Variants in SCARB2 observed in about 807,000 individuals in gnomAD.
SCARB2 encodes scavenger receptor class B member 2.
In SCARB2, 29 loss-of-function variants were observed where a neutral mutation model predicts 58.6. The observed-to-expected ratio is 0.49, with a 90% CI of 0.37 to 0.67. The LOEUF (loss-of-function observed/expected upper bound fraction) is 0.67. Among genes scored for constraint, SCARB2 ranks in the 30% least tolerant of loss-of-function variants. The pLI, the probability that SCARB2 is intolerant of heterozygous loss-of-function variation, is 0.00. For missense variants in SCARB2, 488 were observed against 578.5 expected (o/e 0.84, Z 1.60); for synonymous variants, 195 against 210.1 (o/e 0.93, Z 0.62).
intron 1 of SCARB2, among the ~76,000 whole-genome samples, chr4:76,196,351 T>C (rs112463652): frequency 1.3e-4 from 20 of 152,312 alleles, no homozygotes; most frequent in African/African-American, 4.6e-4. Context: ...AGACTCTGTC[T>C]CAAAATAAAT....
At chr4:76,200,889 T>C (rs1732815990) in intron 1 of SCARB2, among the ~76,000 whole-genome samples, 1 of 152,234 alleles carries the variant, frequency 6.6e-6, no homozygotes, top group East Asian at 1.9e-4. Context: ...CAATACTGTA[T>C]GTAGGCTCCT....
chr4:76,213,611 C>A lies in SCARB2; in HGVS notation c.-68G>T. ...GGATCCAACTGCAAGGAGGGAGGAG[C>A]CGCCGCAGAGGCGTCGAAGACCCGG... On this transcript the variant is annotated 5_prime_UTR_variant, in exon 1 of 12. Transcript: ENST00000264896. 2 of 1,342,382 alleles carry A rather than the reference C, an allele frequency of 1.5e-6. No individual in the cohort carries two copies. The highest frequency in any genetic ancestry group is 2.1e-6 in the Non-Finnish European group (2 of 943,608). The allele number at this position is 1,342,382 out of a possible 1,614,324, so 83.2% of individuals were successfully genotyped here.
At chr4:76,201,855 T>C (rs1280636520) in intron 1 of SCARB2, among the ~76,000 whole-genome samples, 1 of 152,256 alleles carries the variant, frequency 6.6e-6, no homozygotes, top group Non-Finnish European at 1.5e-5. Context: ...ATAGCAAGTA[T>C]AGCATAGGAT....
Position 76,209,188 on chromosome 4 carries a change from G to C in SCARB2, c.117+4239C>G, listed in dbSNP as rs111599168. On this transcript the variant is annotated intron_variant, in intron 1 of 11. Transcript: ENST00000264896. ...TAAGATAAGTCTTCTTTGAATAGAG[G>C]CAACTCAGGAGATGAGGTAGATATG... is the stretch of plus-strand genomic sequence containing the variant. 5.6e-3 allele frequency among the ~76,000 whole-genome samples: 845 copies of C among 152,196 alleles called. 5 individuals carry two copies. The highest frequency in any genetic ancestry group is 9.5e-3 in the Non-Finnish European group (644 of 68,012).
At position 76,222,551 on chromosome 4, in the gene SCARB2, C is replaced by G. The variant is rs117264030; in HGVS notation, c.-358+11752G>C. ...CCTTTTTCCTATCTTCTCCTTAGTC[C>G]TTAACTCTCCGCTGCCTCCACCAGC... On this transcript the variant is annotated intron_variant, in intron 1 of 11. Coordinates refer to the SCARB2 transcript ENST00000638295. Among the ~76,000 whole-genome samples, 177 of 152,260 alleles carry G rather than the reference C, an allele frequency of 1.2e-3. 1 individual carries two copies. In the East Asian group the frequency reaches 0.019, roughly 16 times the overall value.
chr4:76,187,915 C>T (rs543285037), intron 2 of SCARB2, among the ~76,000 whole-genome samples: 48 of 152,166 alleles, frequency 3.2e-4, no homozygotes, highest in Admixed American at 7.9e-4. Flanking sequence ...TCCAGTATTA[C>T]TTGTTATCAA....
chr4:76,170,781 A>C (rs1232904262), intron 7 of SCARB2, among the ~76,000 whole-genome samples: 1 of 151,878 alleles, frequency 6.6e-6, no homozygotes, highest in Non-Finnish European at 1.5e-5. Context: ...CAGCCTCCCA[A>C]AGTGCTGAGA....
At chr4:76,164,773 G>A (rs1392099281) in intron 10 of SCARB2, 1 of 148,840 alleles carries the variant, frequency 6.7e-6, no homozygotes, top group South Asian at 2.1e-4. Context: ...TGTAGAGGGT[G>A]AGAGTGAGAC....
chr4:76,168,590 T>A (rs1732063888), intron 8 of SCARB2, 114 bp from the exon 9 acceptor site: 1 of 835,810 alleles, frequency 1.2e-6, no homozygotes, highest in South Asian at 1.4e-5. Flanking sequence ...CATTACCATG[T>A]GTGACAGGCA....
In SCARB2 at chr4:76,179,634, C is replaced by T. The variant is rs748957598; in HGVS notation, c.495G>A (p.Gln165=). 6 of 1,614,086 alleles carry T rather than the reference C, an allele frequency of 3.7e-6. No individual in the cohort carries two copies. In the South Asian group the frequency reaches 6.6e-5, roughly 18 times the overall value. Residue 165 remains glutamine (Q), a synonymous_variant, in exon 4 of 12, where the codon CAG becomes CAA. Transcript: ENST00000264896. The part of the protein sequence containing the change: ...IIEAMLKAYQ[Q]KLFVTHTVDE... ...CAACTGTGTGAGTCACAAAGAGCTT[C>T]TGCTGATAGGCTTTCAACATGGCCT...
Position 76,161,603 on chromosome 4 carries a change from T to A in SCARB2, c.*110A>T. On this transcript the variant is annotated 3_prime_UTR_variant, in exon 12 of 12. Coordinates refer to ENST00000264896, the MANE Select transcript of SCARB2 (RefSeq NM_005506.4). ...CCTATCACTTGCCAGCGCCGTGTCT[T>A]TTTCCTTCTTTCAACAGGCAACAAG... 8.3e-7 allele frequency: 1 copy of A among 1,201,684 alleles called. No individual in the cohort carries two copies. Among genetic ancestry groups the A allele is most frequent in the Middle Eastern group, 1.9e-4 (1 of 5,284 alleles). The allele number at this position is 1,201,684 out of a possible 1,614,324, so 74.4% of individuals were successfully genotyped here.
intron 1 of SCARB2, among the ~76,000 whole-genome samples, chr4:76,228,500 G>T (rs1268891842): frequency 6.6e-6 from 1 of 151,140 alleles, no homozygotes; most frequent in African/African-American, 2.4e-5. Context: ...AAGAAAGAAA[G>T]AAAAAAAATT....
intron 9 of SCARB2, chr4:76,166,917 C>T (rs1732021069): frequency 6.5e-6 from 1 of 153,250 alleles, no homozygotes; most frequent in African/African-American, 2.4e-5. Context: ...AAAATGCATT[C>T]TTGTAAACCA....
In SCARB2 at chr4:76,175,921, T is replaced by C. The variant is rs1474594339; in HGVS notation, c.705-11A>G. The C allele has an allele frequency of 6.2e-7, 1 of 1,613,390 alleles. No homozygotes were observed. The highest frequency in any genetic ancestry group is 1.1e-5 in the South Asian group (1 of 91,074). On this transcript the variant is annotated splice_polypyrimidine_tract_variant and intron_variant, in intron 5 of 11. Coordinates refer to ENST00000264896, the MANE Select transcript of SCARB2 (RefSeq NM_005506.4). ...CACCAGTCAAGTGACCTATAATTGATAAGCACAAGAAAGAGTAAAGATGAT... is the reference window on the plus strand; with the variant it reads ...CACCAGTCAAGTGACCTATAATTGACAAGCACAAGAAAGAGTAAAGATGAT...
chr4:76,187,242 A>G (rs1023948510), intron 2 of SCARB2, among the ~76,000 whole-genome samples: 3 of 152,268 alleles, frequency 2.0e-5, no homozygotes, highest in African/African-American at 7.2e-5. Flanking sequence ...TTGAAAAAGA[A>G]TAGACTTGAC....
chr4:76,186,199 C>T (rs1484117810), intron 2 of SCARB2, among the ~76,000 whole-genome samples: 1 of 152,138 alleles, frequency 6.6e-6, no homozygotes, highest in Admixed American at 6.5e-5. Context: ...CTGCAAAAGA[C>T]ACTTTTGCTT....
intron 4 of SCARB2, 54 bp from the exon 5 acceptor site, chr4:76,176,582 C>G: frequency 8.0e-7 from 1 of 1,253,188 alleles, no homozygotes; most frequent in Non-Finnish European, 1.2e-6. Flanking sequence ...TTTATGACAA[C>G]TTGGCTAGAC....
intron 1 of SCARB2, among the ~76,000 whole-genome samples, chr4:76,234,104 C>A (rs1456652320): frequency 1.3e-5 from 2 of 152,094 alleles, no homozygotes; most frequent in Non-Finnish European, 2.9e-5. Context: ...CACCTTGGGC[C>A]ATGTGTCTCA....
At chr4:76,165,997 C>T in intron 10 of SCARB2, 1 of 576,630 alleles carries the variant, frequency 1.7e-6, no homozygotes, top group African/African-American at 1.9e-5. Flanking sequence ...CCTACGTGAG[C>T]AGCTCCCCAG....
Sources: gnomAD v4.1 joint callset for allele counts (sites outside exome capture counted in the v4.1 genomes callset) on GRCh38, gnomAD v4.1.1 for gene constraint, MANE v1.5 for transcripts, NCBI Gene and HGNC (gene_info 2026-07-23, HGNC 2026-07-21) for gene names.